GALNT10: variants seen among roughly 807,000 people sequenced by gnomAD.
The protein encoded by GALNT10 is GalNAc transferase 10.
GALNT10 carries 41 observed loss-of-function variants against 75.0 expected under a neutral mutation model. The observed-to-expected ratio is 0.55, with a 90% confidence interval of 0.43 to 0.71. The LOEUF is 0.71. Ranked by LOEUF, GALNT10 falls within the 30% of genes least tolerant of loss-of-function variation. The pLI is 0.00. For synonymous variants in GALNT10, 302 were observed against 313.0 expected (o/e 0.96, Z 0.37); for missense variants, 727 against 818.5 (o/e 0.89, Z 1.36).
chr5:154,277,254 A>G (rs917063297), intron 1 of GALNT10, among the ~76,000 whole-genome samples: 2 of 151,386 alleles, frequency 1.3e-5, no homozygotes, highest in African/African-American at 4.9e-5. Flanking sequence ...TCTTCTCCAC[A>G]TGTCTTATCT....
At chr5:154,234,249 C>A (rs562234386) in intron 1 of GALNT10, among the ~76,000 whole-genome samples, 5 of 152,126 alleles carry the variant, frequency 3.3e-5, no homozygotes, top group African/African-American at 7.2e-5. Context: ...CCCCACCTGC[C>A]AAAGCATCAA....
intron 1 of GALNT10, among the ~76,000 whole-genome samples, chr5:154,239,724 A>G (rs951533703): frequency 2.0e-5 from 3 of 152,156 alleles, no homozygotes; most frequent in Non-Finnish European, 4.4e-5. Flanking sequence ...CCTGTCCTCA[A>G]CCAGCTCACA....
chr5:154,225,911 C>T (rs964766619), intron 1 of GALNT10, among the ~76,000 whole-genome samples: 2 of 141,010 alleles, frequency 1.4e-5, no homozygotes, highest in Non-Finnish European at 3.1e-5. Context: ...ATTGTTTTCA[C>T]TCATAGGTGG....
intron 4 of GALNT10, among the ~76,000 whole-genome samples, chr5:154,335,652 A>AT (rs1387926456): frequency 6.6e-6 from 1 of 152,060 alleles, no homozygotes; most frequent in Non-Finnish European, 1.5e-5. Flanking sequence ...AATAGACCTT[A>AT]TTTTTTAGAA....
intron 3 of GALNT10, among the ~76,000 whole-genome samples, chr5:154,324,682 C>T (rs1329052740): frequency 6.6e-6 from 1 of 151,890 alleles, no homozygotes; most frequent in African/African-American, 2.4e-5. Flanking sequence ...ATTGCTGGGC[C>T]CCACCCTGAG....
At chr5:154,414,889 C>T (rs1259885298) in intron 10 of GALNT10, among the ~76,000 whole-genome samples, 1 of 152,004 alleles carries the variant, frequency 6.6e-6, no homozygotes, top group East Asian at 1.9e-4. Flanking sequence ...TTTGGGAGGC[C>T]AAGGTTGGCA....
intron 7 of GALNT10, among the ~76,000 whole-genome samples, chr5:154,395,913 C>T (rs1008212750): frequency 6.6e-6 from 1 of 152,154 alleles, no homozygotes; most frequent in Non-Finnish European, 1.5e-5. Flanking sequence ...TGCCGTGGAG[C>T]CCAGCCAGCT....
intron 4 of GALNT10, among the ~76,000 whole-genome samples, chr5:154,347,765 C>G (rs1755151631): frequency 6.6e-6 from 1 of 152,160 alleles, no homozygotes; most frequent in Admixed American, 6.5e-5. Flanking sequence ...CAGGTTGAGC[C>G]AGACAAAATA....
chr5:154,306,021 AAAC>A (rs898840350), intron 3 of GALNT10, among the ~76,000 whole-genome samples: 1 of 152,126 alleles, frequency 6.6e-6, no homozygotes, highest in Non-Finnish European at 1.5e-5. Flanking sequence ...CCATCTCAGA[AAAC>A]AACAACAACA....
At chr5:154,310,443 TTTTTTTTTTGTTTG>T (rs536496547) in intron 3 of GALNT10, among the ~76,000 whole-genome samples, 10 of 12,706 alleles carry the variant, frequency 7.9e-4, no homozygotes, top group Non-Finnish European at 1.9e-3. Context: ...TTTTTTTTGT[TTTTTTTTTTGTTTG>T]TTTGTTTGTT....
chr5:154,327,372 T>C (rs78379487), intron 3 of GALNT10, among the ~76,000 whole-genome samples: 1,564 of 152,322 alleles, frequency 0.01, 26 homozygotes, highest in African/African-American at 0.029. Context: ...TTTGGCAGAA[T>C]GGCTGATTCC....
intron 7 of GALNT10, chr5:154,387,174 TA>T (rs1473870957): frequency 2.6e-5 from 4 of 152,240 alleles, no homozygotes; most frequent in Non-Finnish European, 5.9e-5. Context: ...TTGACCAGCC[TA>T]TGGACTCTGG....
rs1756550921 is a variant in GALNT10 at position 154,418,027 on chromosome 5, T to G, written c.*1055T>G. 6.6e-6 allele frequency: 1 copy of G among 152,202 alleles called. No individual in the cohort carries two copies. The highest frequency in any genetic ancestry group is 2.4e-5 in the African/African-American group (1 of 41,454). The allele number at this position is 152,202 out of a possible 1,614,324, so 9.4% of individuals were successfully genotyped here. ...CCAGAATTTTTAAAGAACTCTATAA[T>G]TGGATTGCAAACTAGGATGCTACAT... On this transcript the variant is annotated 3_prime_UTR_variant, in exon 12 of 12. Coordinates refer to ENST00000297107, the MANE Select transcript of GALNT10 (RefSeq NM_198321.4).
chr5:154,363,989 A>G (rs781322753), intron 4 of GALNT10, among the ~76,000 whole-genome samples: 11 of 152,208 alleles, frequency 7.2e-5, no homozygotes, highest in Non-Finnish European at 1.2e-4. Context: ...TGTGAGGAAA[A>G]TCAATCACTC....
chr5:154,246,722 T>G (rs1467704484), intron 1 of GALNT10, among the ~76,000 whole-genome samples: 3 of 152,242 alleles, frequency 2.0e-5, no homozygotes, highest in African/African-American at 7.2e-5. Flanking sequence ...CTTTGTCAGA[T>G]GAGTAGATTG....
intron 1 of GALNT10, among the ~76,000 whole-genome samples, chr5:154,215,804 T>C (rs1430280187): frequency 1.3e-5 from 2 of 152,218 alleles, no homozygotes; most frequent in African/African-American, 4.8e-5. Context: ...GATCTGGTGT[T>C]CTCTGTAGCA....
At chr5:154,334,313 GC>G (rs1473771420) in intron 4 of GALNT10, among the ~76,000 whole-genome samples, 1 of 152,222 alleles carries the variant, frequency 6.6e-6, no homozygotes, top group Non-Finnish European at 1.5e-5. Context: ...AATAATCCTG[GC>G]CCTGCTTACA....
chr5:154,245,683 T>C (rs923069494), intron 1 of GALNT10, among the ~76,000 whole-genome samples: 2 of 151,930 alleles, frequency 1.3e-5, no homozygotes, highest in Non-Finnish European at 2.9e-5. Context: ...TACCAGGTAA[T>C]GATGAAAAGA....
intron 3 of GALNT10, among the ~76,000 whole-genome samples, chr5:154,314,863 A>G (rs1754573729): frequency 6.6e-6 from 1 of 152,040 alleles, no homozygotes; most frequent in African/African-American, 2.4e-5. Context: ...TTAAAAAAAA[A>G]AGACTGAAAT....
Sources: allele counts gnomAD v4.1 joint callset (sites outside exome capture counted in the v4.1 genomes callset), GRCh38; gene constraint gnomAD v4.1.1; transcripts MANE v1.5; gene names NCBI Gene and HGNC (gene_info 2026-07-23, HGNC 2026-07-21).